IL22RA1: variants seen among roughly 807,000 people sequenced by gnomAD.
The protein encoded by IL22RA1 is interleukin 22 receptor subunit alpha 1.
A neutral mutation model predicts 32.8 loss-of-function variants in IL22RA1; 25 were observed. The ratio of observed to expected loss-of-function variants is 0.76; its 90% CI spans 0.55 to 1.06. The LOEUF (loss-of-function observed/expected upper bound fraction) is 1.06, where lower values mean the gene tolerates loss of function less well. Ranked by LOEUF, IL22RA1 falls within the 50% of genes least tolerant of loss-of-function variation. IL22RA1 has a pLI of 0.00. For missense variants in IL22RA1, 709 were observed against 727.4 expected, an observed-to-expected ratio of 0.97 and a Z score of 0.29; for synonymous variants, 305 against 305.0, an observed-to-expected ratio of 1.00 and a Z score of 0.00.
At position 24,143,123 on chromosome 1, in the gene IL22RA1, G is replaced by C. The variant is rs745470078; in HGVS notation, c.-41C>G. The C allele has an allele frequency of 6.3e-7, 1 of 1,591,706 alleles. No individual in the cohort carries two copies. The highest frequency in any genetic ancestry group is 1.1e-5 in the South Asian group (1 of 88,528). The stretch of plus-strand genomic sequence containing the variant: ...GCCCTCCCTTGGCCTCTACTCTGCC[G>C]TGCACAGAGAGAGGGCTGGGAGTCT... On this transcript the variant is annotated 5_prime_UTR_variant, in exon 1 of 7. Transcript: ENST00000270800.
Position 24,121,138 on chromosome 1 carries a change from C to A in IL22RA1, c.1392G>T (p.Leu464Phe), listed in dbSNP as rs529448506. 1.9e-6 allele frequency: 3 copies of A among 1,614,206 alleles called. No homozygotes were observed. Among genetic ancestry groups the A allele is most frequent in the South Asian group, 1.1e-5 (1 of 91,088 alleles). Residue 464 changes from leucine (L) to phenylalanine (F), a missense_variant, in exon 7 of 7, where the codon TTG becomes TTT. Transcript: ENST00000270800. Reference protein sequence around the residue: ...AMEESQEAKSLHQPLGICTDR... With the variant: ...AMEESQEAKSFHQPLGICTDR... ...CTGTGCAAATCCCCAGGGGCTGGTG[C>A]AATGATTTTGCTTCTTGGGATTCCT...
chr1:24,132,180 C>T (rs138976237), intron 4 of IL22RA1, among the ~76,000 whole-genome samples: 1,611 of 152,206 alleles, frequency 0.011, 36 homozygotes, highest in East Asian at 0.04. Context: ...GGGGAAGAAG[C>T]GCCTGGGTTG....
chr1:24,132,804 C>A (rs1489040553), intron 4 of IL22RA1, among the ~76,000 whole-genome samples: 2 of 151,480 alleles, frequency 1.3e-5, no homozygotes, highest in East Asian at 4.0e-4. Context: ...AGTTTGAGAC[C>A]AGCCTGGGCA....
chr1:24,121,502 G>T lies in IL22RA1; in HGVS notation c.1028C>A (p.Pro343His). Residue 343 changes from proline (P) to histidine (H), a missense_variant, in exon 7 of 7, where the codon CCC becomes CAC. Coordinates refer to ENST00000270800, the MANE Select transcript of IL22RA1 (RefSeq NM_021258.4). ...ATAGGACAGTGGGGAGAGGATCTGG[G>T]GAGGTGGCACGTTGGAGGGCTGGAG... is the stretch of plus-strand genomic sequence containing the variant. The part of the protein sequence containing the change: ...SILQPSNVPP[P>H]QILSPLSYAP... 2 of 1,577,382 alleles carry T rather than the reference G, an allele frequency of 1.3e-6. No individual in the cohort carries two copies.
Position 24,123,439 on chromosome 1 carries a change from G to A in IL22RA1, c.671-16C>T, listed in dbSNP as rs200467975. The A allele has an allele frequency of 1.9e-5, 31 of 1,610,884 alleles. No individual in the cohort carries two copies. The South Asian group carries it at 2.5e-4, about 13-fold the overall frequency. ...CATGTCCGGTCTGGGAAACCAAAGG[G>A]GCCAGAGAAGGAAGCGTGAGGCTGG... On this transcript the variant is annotated splice_polypyrimidine_tract_variant and intron_variant, in intron 5 of 6. Transcript: ENST00000270800.
intron 2 of IL22RA1, among the ~76,000 whole-genome samples, chr1:24,137,516 CTTT>C (rs11428028): frequency 7.1e-6 from 1 of 140,030 alleles, no homozygotes; most frequent in Non-Finnish European, 1.5e-5. Context: ...TCCTTCCTTT[CTTT>C]TTTTTTTTTT....
chr1:24,134,302 C>T lies in IL22RA1; in HGVS notation c.440G>A (p.Arg147His), dbSNP rs768975521. Residue 147 changes from arginine to histidine, a missense_variant, in exon 4 of 7, where the codon CGT becomes CAT. By Grantham distance (29) the Arg-to-His change is conservative. Transcript: ENST00000270800. ...GGTTAGCCGGTGGCCATCGCCTGCA[C>T]GGATTGGCGTGGGGGTAGGATGAAC... Reference protein sequence around the residue: ...MIVHPTPTPIRAGDGHRLTLE... With the variant: ...MIVHPTPTPIHAGDGHRLTLE... The T allele has an allele frequency of 1.7e-5, 27 of 1,608,338 alleles. No homozygotes were observed. Among genetic ancestry groups the T allele is most frequent in the Middle Eastern group, 1.7e-4 (1 of 6,054 alleles).
rs115405958 is a variant in IL22RA1, at chr1:24,125,309, A to G, written c.671-1886T>C. On this transcript the variant is annotated intron_variant, in intron 5 of 6. Transcript: ENST00000270800. ...CCAAGGTCACACAGCTACTCAGTGG[A>G]GTTACATGTGTAACTCAAAACTCAT... 4.0e-3 allele frequency among the ~76,000 whole-genome samples: 606 copies of G among 152,266 alleles called. 5 individuals are homozygous for G. The highest frequency in any genetic ancestry group is 0.014 in the African/African-American group (580 of 41,548).
chr1:24,121,194 A>C lies in IL22RA1; in HGVS notation c.1336T>G (p.Ser446Ala). ...PAGSCMLGGL[S>A]LQEVTSLAME... ...GCCAAGGAGGTCACCTCCTGCAGAG[A>C]AAGGCCACCTAACATGCAGCTTCCA... The change falls in exon 7 of 7, where the codon TCT (serine) becomes GCT (alanine). Residue 446 changes from serine to alanine, a missense_variant. By Grantham distance (99) the Ser-to-Ala change is moderately conservative. Transcript: ENST00000270800. The C allele has an allele frequency of 1.9e-6, 3 of 1,614,206 alleles. No homozygotes were observed. Among genetic ancestry groups the C allele is most frequent in the Non-Finnish European group, 2.5e-6 (3 of 1,180,026 alleles).
At chr1:24,130,592 T>C (rs1298822885) in intron 4 of IL22RA1, among the ~76,000 whole-genome samples, 1 of 152,176 alleles carries the variant, frequency 6.6e-6, no homozygotes, top group East Asian at 1.9e-4. Context: ...CAACACAATG[T>C]CCAGGATACA....
At chr1:24,131,031 A>G (rs1644201399) in intron 4 of IL22RA1, among the ~76,000 whole-genome samples, 1 of 152,250 alleles carries the variant, frequency 6.6e-6, no homozygotes, top group African/African-American at 2.4e-5. Context: ...CAGCGGTATA[A>G]CAATGCTCCA....
intron 3 of IL22RA1, 69 bp from the exon 4 acceptor site, chr1:24,134,455 T>A (rs1015810917): frequency 5.0e-6 from 6 of 1,189,922 alleles, no homozygotes; most frequent in Non-Finnish European, 6.7e-6. Context: ...GAGGCAACCT[T>A]GGACAGTGGA....
chr1:24,134,666 C>A (rs1644230610), intron 3 of IL22RA1, among the ~76,000 whole-genome samples: 1 of 152,122 alleles, frequency 6.6e-6, no homozygotes, highest in Non-Finnish European at 1.5e-5. Context: ...CTTTGGCTTG[C>A]CCCCACACAT....
rs369279402 is a variant in IL22RA1, at chr1:24,123,299, C to T, written c.792+3G>A. ...TCCCTCCCACCCTGGGGGGATGGCTCACCAGGGAGTTGGGAGGTGCAGGCG... is the reference window on the plus strand; with the variant it reads ...TCCCTCCCACCCTGGGGGGATGGCTTACCAGGGAGTTGGGAGGTGCAGGCG... On this transcript the variant is annotated splice_donor_region_variant and intron_variant, in intron 6 of 6. Transcript: ENST00000270800. 25 of 1,613,590 alleles carry T rather than the reference C, an allele frequency of 1.5e-5. No individual in the cohort carries two copies. The highest frequency in any genetic ancestry group is 2.0e-5 in the Non-Finnish European group (24 of 1,179,668).
intron 5 of IL22RA1, among the ~76,000 whole-genome samples, chr1:24,126,060 G>T (rs577289967): frequency 6.6e-6 from 1 of 152,162 alleles, no homozygotes; most frequent in African/African-American, 2.4e-5. Context: ...CAAAAAGCTG[G>T]TGGGCCAGGT....
intron 3 of IL22RA1, among the ~76,000 whole-genome samples, chr1:24,134,648 G>A (rs1644230513): frequency 6.6e-6 from 1 of 152,156 alleles, no homozygotes; most frequent in African/African-American, 2.4e-5. Context: ...CCCCTAGCTT[G>A]GTCATGCCTT....
At chr1:24,140,849 C>T (rs900813527) in intron 1 of IL22RA1, among the ~76,000 whole-genome samples, 6 of 152,230 alleles carry the variant, frequency 3.9e-5, no homozygotes, top group Admixed American at 1.3e-4. Flanking sequence ...CAAGGCCTTG[C>T]GGCCTGGGTG....
chr1:24,134,479 C>T, intron 3 of IL22RA1, 93 bp from the exon 4 acceptor site: 1 of 888,800 alleles, frequency 1.1e-6, no homozygotes, highest in Non-Finnish European at 1.6e-6. Context: ...TGACTGCTCC[C>T]TCTCTCCTTC....
intron 1 of IL22RA1, among the ~76,000 whole-genome samples, chr1:24,140,220 G>C (rs138912061): frequency 6.6e-6 from 1 of 152,192 alleles, no homozygotes; most frequent in Non-Finnish European, 1.5e-5. Context: ...GAGAGCTGCC[G>C]CCCAGCATCA....
Sources: allele counts gnomAD v4.1 joint callset (sites outside exome capture counted in the v4.1 genomes callset), GRCh38; gene constraint gnomAD v4.1.1; transcripts MANE v1.5; gene names NCBI Gene and HGNC (gene_info 2026-07-23, HGNC 2026-07-21).